ROBO2: variants seen among roughly 807,000 people sequenced by gnomAD.
The protein encoded by ROBO2 is roundabout guidance receptor 2.
ROBO2 carries 53 observed loss-of-function variants against 160.8 expected under a neutral mutation model. The observed-to-expected ratio is 0.33, with a 90% CI of 0.26 to 0.41. The LOEUF (loss-of-function observed/expected upper bound fraction) is 0.41. ROBO2 is among the 10% of genes least tolerant of loss of function. The pLI is 1.00. For missense variants in ROBO2, 1,577 were observed against 1,722.4 expected (o/e 0.92, Z 1.49); for synonymous variants, 664 against 611.7 (o/e 1.09, Z -1.26).
At chr3:76,490,141 C>T (rs912667807) in intron 2 of ROBO2, among the ~76,000 whole-genome samples, 1 of 152,130 alleles carries the variant, frequency 6.6e-6, no homozygotes, top group African/African-American at 2.4e-5. Flanking sequence ...GTCTTTTCTA[C>T]CTTCCACTTC....
chr3:76,369,593 C>G (rs1247987056), intron 2 of ROBO2, among the ~76,000 whole-genome samples: 1 of 151,896 alleles, frequency 6.6e-6, no homozygotes, highest in Non-Finnish European at 1.5e-5. Context: ...TTGACCTAAC[C>G]TGGATCGTTC....
intron 2 of ROBO2, among the ~76,000 whole-genome samples, chr3:77,353,417 A>G (rs986335378): frequency 4.6e-5 from 7 of 152,222 alleles, no homozygotes; most frequent in African/African-American, 1.7e-4. Flanking sequence ...TTTTATTTGA[A>G]TCAAGATAGG....
chr3:77,547,558 G>A (rs2092745203), intron 7 of ROBO2, among the ~76,000 whole-genome samples: 1 of 152,090 alleles, frequency 6.6e-6, no homozygotes, highest in Admixed American at 6.6e-5. Context: ...GTGCAAGGAA[G>A]CCTGTAGAAG....
chr3:76,750,162 T>C (rs2093959309), intron 2 of ROBO2, among the ~76,000 whole-genome samples: 2 of 152,134 alleles, frequency 1.3e-5, no homozygotes. Flanking sequence ...TCATTAAATG[T>C]AATGCATCAC....
intron 2 of ROBO2, among the ~76,000 whole-genome samples, chr3:76,599,711 G>A (rs573303969): frequency 6.6e-6 from 1 of 152,242 alleles, no homozygotes; most frequent in South Asian, 2.1e-4. Context: ...TCCAGCACCT[G>A]TTAGTTTTTT....
chr3:77,595,265 T>C, intron 18 of ROBO2, 81 bp downstream of exon 19: 6 of 1,056,488 alleles, frequency 5.7e-6, no homozygotes, highest in Non-Finnish European at 8.6e-6. Context: ...CCTATTATTG[T>C]AATAAATGAT....
chr3:76,441,077 G>A (rs1379836329), intron 2 of ROBO2, among the ~76,000 whole-genome samples: 1 of 152,026 alleles, frequency 6.6e-6, no homozygotes, highest in East Asian at 1.9e-4. Context: ...ACCTCATTGG[G>A]ATAAAATTCA....
intron 2 of ROBO2, among the ~76,000 whole-genome samples, chr3:76,928,238 G>A (rs2077105901): frequency 6.6e-6 from 1 of 152,156 alleles, no homozygotes; most frequent in Admixed American, 6.6e-5. Context: ...CAAAATGGGA[G>A]TGGACTCTAG....
intron 2 of ROBO2, among the ~76,000 whole-genome samples, chr3:76,271,509 T>A (rs1045181560): frequency 6.7e-6 from 1 of 149,752 alleles, no homozygotes; most frequent in African/African-American, 2.5e-5. Context: ...TATTAAAGCA[T>A]CTAGTATGTT....
intron 2 of ROBO2, among the ~76,000 whole-genome samples, chr3:76,770,299 TCTC>T (rs2061812290): frequency 6.6e-6 from 1 of 151,316 alleles, no homozygotes; most frequent in South Asian, 2.1e-4. Context: ...GTCTCTCCTC[TCTC>T]CTTTTTTCAT....
At chr3:75,993,088 G>T (rs924190253) in intron 2 of ROBO2, among the ~76,000 whole-genome samples, 1 of 152,146 alleles carries the variant, frequency 6.6e-6, no homozygotes, top group African/African-American at 2.4e-5. Flanking sequence ...GGACTTTTGG[G>T]TTATTGCTGA....
rs910158139 is a variant in ROBO2, at chr3:76,012,457, T to G, written c.109+74855T>G. Reference sequence around the variant, plus strand: ...TTGATGAGATAAAATATACAAATATTTGACAGGTTCAATTTCCTTTTCAAG... The same window carrying G: ...TTGATGAGATAAAATATACAAATATGTGACAGGTTCAATTTCCTTTTCAAG... On this transcript the variant is annotated intron_variant, in intron 2 of 26. Transcript: ENST00000487694. 1.1e-4 allele frequency among the ~76,000 whole-genome samples: 17 copies of G among 152,224 alleles called. 1 individual carries two copies. Among genetic ancestry groups the G allele is most frequent in the Admixed American group, 1.0e-3 (16 of 15,274 alleles).
chr3:77,192,650 CTTTT>C (rs71629633), intron 2 of ROBO2, among the ~76,000 whole-genome samples: 31 of 110,032 alleles, frequency 2.8e-4, no homozygotes, highest in African/African-American at 1.0e-3. Context: ...AACACAATTC[CTTTT>C]TTTTTTTTTT....
At chr3:76,239,360 G>GTGTA (rs1553685682) in intron 2 of ROBO2, among the ~76,000 whole-genome samples, 15 of 150,146 alleles carry the variant, frequency 1.0e-4, no homozygotes, top group South Asian at 4.2e-4. Context: ...ATACGTATAT[G>GTGTA]TATATATATA....
intron 2 of ROBO2, among the ~76,000 whole-genome samples, chr3:76,439,406 A>G (rs1400407547): frequency 6.7e-6 from 1 of 150,216 alleles, no homozygotes; most frequent in Non-Finnish European, 1.5e-5. Flanking sequence ...GTAAAATGGG[A>G]TCCTGCTGAA....
intron 2 of ROBO2, among the ~76,000 whole-genome samples, chr3:76,314,226 G>A (rs2071808916): frequency 6.6e-6 from 1 of 152,016 alleles, no homozygotes; most frequent in African/African-American, 2.4e-5. Flanking sequence ...ATAAGAGTTT[G>A]CATTTATGAT....
chr3:77,268,203 T>A (rs1265491282), intron 2 of ROBO2, among the ~76,000 whole-genome samples: 1 of 152,232 alleles, frequency 6.6e-6, no homozygotes, highest in Non-Finnish European at 1.5e-5. Flanking sequence ...GTTTTTTAAT[T>A]AGCTTCTTTT....
At chr3:77,164,939 GGC>G (rs1165789257) in intron 2 of ROBO2, among the ~76,000 whole-genome samples, 26 of 119,258 alleles carry the variant, frequency 2.2e-4, no homozygotes, top group African/African-American at 7.5e-4. Context: ...GGGAGGTGGG[GGC>G]GGTCAGCCCC....
intron 2 of ROBO2, among the ~76,000 whole-genome samples, chr3:76,759,881 T>C (rs899624962): frequency 4.0e-5 from 6 of 151,792 alleles, no homozygotes; most frequent in Admixed American, 3.3e-4. Context: ...TCCGCGATTC[T>C]CTTCACTTAG....
Sources: allele counts gnomAD v4.1 joint callset (sites outside exome capture counted in the v4.1 genomes callset), GRCh38; gene constraint gnomAD v4.1.1; transcripts MANE v1.5; gene names NCBI Gene and HGNC (gene_info 2026-07-23, HGNC 2026-07-21).